DPH6: variants seen among roughly 807,000 people sequenced by gnomAD.
The protein encoded by DPH6 is diphthamine biosynthesis 6, also known as diphthine--ammonia ligase.
Under a neutral mutation model 38.2 loss-of-function variants are expected in DPH6, and 33 were observed. The observed-to-expected ratio is 0.86, with a 90% CI of 0.65 to 1.15. The LOEUF is 1.15. Ranked by LOEUF, DPH6 falls within the 50% of genes most tolerant of loss-of-function variation. The pLI is 0.00. For synonymous variants in DPH6, 108 were observed against 103.0 expected, an observed-to-expected ratio of 1.05 and a Z score of -0.30; for missense variants, 325 against 320.0, an observed-to-expected ratio of 1.02 and a Z score of -0.12.
chr15:35,430,226 A>C (rs576742236), intron 5 of DPH6, among the ~76,000 whole-genome samples: 7 of 152,302 alleles, frequency 4.6e-5, no homozygotes, highest in South Asian at 4.1e-4. Context: ...TAATAATTGC[A>C]CACTATCAGC....
the DPH6 span, among the ~76,000 whole-genome samples, chr15:35,150,216 A>C: frequency 6.6e-6 from 1 of 152,230 alleles, no homozygotes; most frequent in Non-Finnish European, 1.5e-5. Context: ...CCACCTTTTA[A>C]AACTAGATTA....
At chr15:35,182,914 T>C in the DPH6 span, among the ~76,000 whole-genome samples, 1 of 152,136 alleles carries the variant, frequency 6.6e-6, no homozygotes, top group Non-Finnish European at 1.5e-5. Context: ...AAGCAAAAAA[T>C]ACTATTTCCC....
the DPH6 span, among the ~76,000 whole-genome samples, chr15:35,147,464 A>G: frequency 6.6e-6 from 1 of 152,174 alleles, no homozygotes; most frequent in African/African-American, 2.4e-5. Context: ...AAACAATATA[A>G]AATTGTAAAC....
At chr15:35,206,071 G>A in the DPH6 span, among the ~76,000 whole-genome samples, 1 of 151,910 alleles carries the variant, frequency 6.6e-6, no homozygotes, top group Non-Finnish European at 1.5e-5. Context: ...AGAAGTTTTA[G>A]AATGACTAAA....
In DPH6 at chr15:35,530,234, T is replaced by C. The variant is rs574906648; in HGVS notation, c.312+8040A>G. 3.9e-5 allele frequency among the ~76,000 whole-genome samples: 6 copies of C among 152,180 alleles called. No homozygotes were observed. The South Asian group carries it at 1.0e-3, about 26-fold the overall frequency. The stretch of plus-strand genomic sequence containing the variant: ...ATAGGACAGAGACTTACACCTAGCA[T>C]CCCAGACAACACAACTCCAGAAGGA... On this transcript the variant is annotated intron_variant, in intron 3 of 8. Coordinates refer to ENST00000256538, the MANE Select transcript of DPH6 (RefSeq NM_080650.4).
At chr15:35,193,677 C>T in the DPH6 span, among the ~76,000 whole-genome samples, 36 of 152,158 alleles carry the variant, frequency 2.4e-4, no homozygotes, top group East Asian at 1.7e-3. Context: ...AGTCTTGGTT[C>T]GGAAATCACA....
rs528193951 is a variant in DPH6 at position 35,361,379 on chromosome 15, C to T, written n.207+12142G>A. ...GCCTATGTCACTCTCTAACTTTCAA[C>T]AGTTTGATTGTAATGTATCTAAGTG... is the stretch of plus-strand genomic sequence containing the variant. On this transcript the variant is annotated intron_variant and non_coding_transcript_variant, in intron 3 of 3. Coordinates refer to the DPH6 transcript ENST00000558973. 1.1e-4 allele frequency among the ~76,000 whole-genome samples: 16 copies of T among 152,294 alleles called. No individual in the cohort carries two copies. In the East Asian group the frequency reaches 3.1e-3, roughly 29 times the overall value.
chr15:35,538,429 C>T lies in DPH6; in HGVS notation c.157G>A (p.Val53Met). The T allele has an allele frequency of 6.3e-7, 1 of 1,590,762 alleles. No individual in the cohort carries two copies. Among genetic ancestry groups the T allele is most frequent in the Non-Finnish European group, 8.6e-7 (1 of 1,162,482 alleles). Residue 53 changes from valine (V) to methionine (M), a missense_variant, in exon 3 of 9, where the codon GTG becomes ATG. Coordinates refer to ENST00000256538, the MANE Select transcript of DPH6 (RefSeq NM_080650.4). Reference protein sequence around the residue: ...DELDSYMYQTVGHHAIDLYAE... With the variant: ...DELDSYMYQTMGHHAIDLYAE... ...TACAAGTCAATGGCATGGTGCCCCA[C>T]TGTCTGATACATGTAGCTATCCAGT...
intron 3 of DPH6, chr15:35,282,851 G>T: frequency 2.9e-6 from 1 of 339,678 alleles, no homozygotes. Context: ...CTGGTTGTGG[G>T]CCAGCTTAAG....
chr15:35,159,190 A>G, the DPH6 span, among the ~76,000 whole-genome samples: 2 of 152,088 alleles, frequency 1.3e-5, no homozygotes, highest in Admixed American at 6.6e-5. Flanking sequence ...GAAAAGAATT[A>G]CTTTATCTTC....
the DPH6 span, among the ~76,000 whole-genome samples, chr15:35,194,082 G>A: frequency 6.6e-6 from 1 of 152,124 alleles, no homozygotes; most frequent in Admixed American, 6.6e-5. Flanking sequence ...CAAAGAAGAT[G>A]ACAAGAAAAC....
chr15:35,303,052 A>G (rs1178056785), intron 3 of DPH6, among the ~76,000 whole-genome samples: 1 of 152,120 alleles, frequency 6.6e-6, no homozygotes, highest in Non-Finnish European at 1.5e-5. Context: ...AGAACCCCAA[A>G]GGGTTGAGTT....
Position 35,481,954 on chromosome 15 carries a change from G to A in DPH6, c.313-27134C>T, listed in dbSNP as rs1001128235. Among the ~76,000 whole-genome samples the A allele has an allele frequency of 4.6e-5, 7 of 152,280 alleles. No homozygotes were observed. The South Asian group carries it at 1.2e-3, about 27-fold the overall frequency. On this transcript the variant is annotated intron_variant, in intron 3 of 8. Transcript: ENST00000256538. ...AAACCTGGATAAACAACTATCTCAA[G>A]GATCTGGAAACTGACCAAAGGTATA... is the stretch of plus-strand genomic sequence containing the variant.
intron 1 of DPH6, among the ~76,000 whole-genome samples, chr15:35,542,965 T>TATATATATATATATAAA (rs58422347): frequency 7.9e-5 from 6 of 76,178 alleles, no homozygotes; most frequent in Admixed American, 1.8e-4. Flanking sequence ...TATATATATA[T>TATATATATATATATAAA]AAAATAATTT....
chr15:35,444,761 C>A (rs990465269), intron 5 of DPH6, among the ~76,000 whole-genome samples: 2 of 152,166 alleles, frequency 1.3e-5, no homozygotes, highest in African/African-American at 2.4e-5. Context: ...CCAGATGCAG[C>A]CAGTCTCCTG....
At chr15:35,483,651 A>T (rs1258415012) in intron 3 of DPH6, among the ~76,000 whole-genome samples, 1 of 152,202 alleles carries the variant, frequency 6.6e-6, no homozygotes, top group Non-Finnish European at 1.5e-5. Context: ...GTAGTTTGAA[A>T]GTACAAATTT....
At chr15:35,241,291 G>A (rs4539555) in intron 3 of DPH6, among the ~76,000 whole-genome samples, 4,712 of 141,144 alleles carry the variant, frequency 0.033, 702 homozygotes, top group Middle Eastern at 0.061. Context: ...CATCACGGAC[G>A]CCGAGCTTTG....
At chr15:35,419,261 A>T (rs1405399090) in intron 5 of DPH6, among the ~76,000 whole-genome samples, 2 of 152,156 alleles carry the variant, frequency 1.3e-5, no homozygotes, top group African/African-American at 4.8e-5. Flanking sequence ...ATAAAATGAC[A>T]GAATTTTTAT....
chr15:35,355,786 G>T (rs369792025), intron 3 of DPH6, among the ~76,000 whole-genome samples: 63 of 152,186 alleles, frequency 4.1e-4, no homozygotes, highest in African/African-American at 1.5e-3. Flanking sequence ...CTCAAGGAGT[G>T]TCTTTGTGGC....
Sources: allele counts gnomAD v4.1 joint callset (sites outside exome capture counted in the v4.1 genomes callset), GRCh38; gene constraint gnomAD v4.1.1; transcripts MANE v1.5; gene names NCBI Gene and HGNC (gene_info 2026-07-23, HGNC 2026-07-21).